HDAC9: variants seen among roughly 807,000 people sequenced by gnomAD.
HDAC9 encodes histone deacetylase 9, also known as MEF-2 interacting transcription repressor (MITR) protein.
A neutral mutation model predicts 139.4 loss-of-function variants in HDAC9; 41 were observed. That is an observed-to-expected ratio of 0.29 (90% CI 0.23 to 0.38). The LOEUF (loss-of-function observed/expected upper bound fraction) is 0.38, where lower values mean the gene tolerates loss of function less well. Among genes scored for constraint, HDAC9 ranks in the 10% least tolerant of loss-of-function variants. HDAC9 has a pLI of 1.00. For synonymous variants in HDAC9, 517 were observed against 476.2 expected, an observed-to-expected ratio of 1.09 and a Z score of -1.12; for missense variants, 1,147 against 1,297.0, an observed-to-expected ratio of 0.88 and a Z score of 1.78.
At position 18,280,404 on chromosome 7, in the gene HDAC9, A is replaced by G. The variant is rs56091962; in HGVS notation, c.25+118055A>G. On this transcript the variant is annotated intron_variant, in intron 2 of 12. Coordinates refer to the HDAC9 transcript ENST00000417496. ...GGGGTTCGAGAACAGCCTGACCAAC[A>G]TGGTGAAACCCCATCTCTACTAAAA... Among the ~76,000 whole-genome samples, 768 of 152,270 alleles carry G rather than the reference A, an allele frequency of 5.0e-3. 8 individuals are homozygous for G. Among genetic ancestry groups the G allele is most frequent in the African/African-American group, 0.017 (714 of 41,552 alleles).
intron 12 of HDAC9, among the ~76,000 whole-genome samples, chr7:18,692,587 A>G (rs1782747776): frequency 6.6e-6 from 1 of 152,088 alleles, no homozygotes; most frequent in African/African-American, 2.4e-5. Flanking sequence ...AAATCTATTT[A>G]TCTCAGACTA....
intron 6 of HDAC9, among the ~76,000 whole-genome samples, chr7:18,596,712 A>C (rs979537052): frequency 6.6e-5 from 10 of 152,160 alleles, no homozygotes; most frequent in African/African-American, 2.4e-4. Context: ...CTTTGTTATT[A>C]GAGCCAGATT....
At chr7:18,168,608 T>A (rs1252568882) in intron 2 of HDAC9, among the ~76,000 whole-genome samples, 10 of 151,186 alleles carry the variant, frequency 6.6e-5, no homozygotes. Flanking sequence ...CATGTGTGCT[T>A]GTGTTGCAGT....
chr7:18,885,598 A>C (rs1356832934), intron 22 of HDAC9, among the ~76,000 whole-genome samples: 1 of 152,200 alleles, frequency 6.6e-6, no homozygotes, highest in Non-Finnish European at 1.5e-5. Context: ...ACAAAACCAC[A>C]ACCAGATCTC....
intron 19 of HDAC9, among the ~76,000 whole-genome samples, chr7:18,833,981 G>T (rs1796045076): frequency 6.6e-6 from 1 of 152,182 alleles, no homozygotes; most frequent in Non-Finnish European, 1.5e-5. Context: ...AACAGATTAT[G>T]AATGTAAGTT....
At chr7:18,527,668 C>G (rs1293374932) in intron 2 of HDAC9, among the ~76,000 whole-genome samples, 2 of 152,052 alleles carry the variant, frequency 1.3e-5, no homozygotes, top group African/African-American at 4.8e-5. Flanking sequence ...GATGTTTGAT[C>G]AAATTAAAAT....
At chr7:18,163,172 C>T (rs1179790785) in intron 2 of HDAC9, among the ~76,000 whole-genome samples, 3 of 152,162 alleles carry the variant, frequency 2.0e-5, no homozygotes, top group Non-Finnish European at 2.9e-5. Context: ...GATTTTCATT[C>T]CCTGGATTGC....
rs768510820 is a variant in HDAC9 at position 18,767,175 on chromosome 7, C to G, written c.2214+20C>G. 2.7e-6 allele frequency: 4 copies of G among 1,478,186 alleles called. No individual in the cohort carries two copies. Among genetic ancestry groups the G allele is most frequent in the South Asian group, 1.3e-5 (1 of 78,718 alleles). The allele number at this position is 1,478,186 out of a possible 1,614,324, so 91.6% of individuals were successfully genotyped here. On this transcript the variant is annotated intron_variant, in intron 16 of 25. Coordinates refer to ENST00000686413, the MANE Select transcript of HDAC9 (RefSeq NM_178425.4). ...CTTGGGGTAAGTACAAGTTGGTTTACTGCCTTTAAATAACATAAAATTACA... is the reference window on the plus strand; with the variant it reads ...CTTGGGGTAAGTACAAGTTGGTTTAGTGCCTTTAAATAACATAAAATTACA...
intron 6 of HDAC9, among the ~76,000 whole-genome samples, chr7:18,604,330 G>A (rs1011424141): frequency 6.6e-6 from 1 of 151,730 alleles, no homozygotes; most frequent in African/African-American, 2.4e-5. Context: ...TTCTTTTTAG[G>A]GAGTTTCTAT....
intron 17 of HDAC9, among the ~76,000 whole-genome samples, chr7:18,819,150 C>T (rs1170996146): frequency 1.3e-5 from 2 of 152,080 alleles, no homozygotes; most frequent in Non-Finnish European, 2.9e-5. Context: ...CTTTATGGTG[C>T]GCACTTGCAA....
chr7:18,731,257 T>A (rs570855474), intron 13 of HDAC9, among the ~76,000 whole-genome samples: 294 of 152,092 alleles, frequency 1.9e-3, no homozygotes, highest in Non-Finnish European at 2.2e-3. Context: ...ATTTTTTTTT[T>A]AAAATAAACT....
chr7:18,541,997 T>G (rs1339589574), intron 2 of HDAC9, among the ~76,000 whole-genome samples: 1 of 152,180 alleles, frequency 6.6e-6, no homozygotes, highest in Non-Finnish European at 1.5e-5. Context: ...AGTTCTTTGT[T>G]GTGGGGTGCC....
intron 21 of HDAC9, among the ~76,000 whole-genome samples, chr7:18,872,710 T>C (rs960823767): frequency 2.0e-5 from 3 of 152,134 alleles, no homozygotes; most frequent in African/African-American, 7.2e-5. Context: ...TCCTGTCTTC[T>C]TGTACTTCAA....
intron 1 of HDAC9, among the ~76,000 whole-genome samples, chr7:18,426,551 C>T (rs529732331): frequency 1.3e-5 from 2 of 152,234 alleles, no homozygotes; most frequent in South Asian, 4.1e-4. Flanking sequence ...TATGAACACA[C>T]TGAAAGGAAA....
chr7:18,242,961 G>A (rs1228130225), intron 2 of HDAC9, among the ~76,000 whole-genome samples: 2 of 152,176 alleles, frequency 1.3e-5, no homozygotes, highest in Non-Finnish European at 2.9e-5. Flanking sequence ...TAGATACTGA[G>A]TGCTCTACTT....
intron 1 of HDAC9, among the ~76,000 whole-genome samples, chr7:18,438,601 C>T (rs1750739995): frequency 6.6e-6 from 1 of 151,318 alleles, no homozygotes; most frequent in African/African-American, 2.4e-5. Flanking sequence ...GAAAGATGTC[C>T]AAGACATGTT....
At chr7:18,753,669 T>C (rs1360522326) in intron 14 of HDAC9, among the ~76,000 whole-genome samples, 1 of 152,144 alleles carries the variant, frequency 6.6e-6, no homozygotes, top group Non-Finnish European at 1.5e-5. Context: ...AAACTTTTGG[T>C]TTATGTCAAT....
At chr7:18,918,237 C>T (rs947625756) in intron 22 of HDAC9, among the ~76,000 whole-genome samples, 2 of 151,508 alleles carry the variant, frequency 1.3e-5, no homozygotes, top group African/African-American at 2.4e-5. Flanking sequence ...ACTGATGAAC[C>T]ATGTTTGCAG....
At chr7:18,921,578 A>G (rs1803731205) in intron 22 of HDAC9, among the ~76,000 whole-genome samples, 1 of 152,192 alleles carries the variant, frequency 6.6e-6, no homozygotes, top group Non-Finnish European at 1.5e-5. Context: ...TCAGGAAACA[A>G]CAGGTGCTGG....
Sources: allele counts gnomAD v4.1 joint callset (sites outside exome capture counted in the v4.1 genomes callset), GRCh38; gene constraint gnomAD v4.1.1; transcripts MANE v1.5; gene names NCBI Gene and HGNC (gene_info 2026-07-23, HGNC 2026-07-21).